UNC13B: variants seen among roughly 807,000 people sequenced by gnomAD.
UNC13B encodes the protein protein unc-13 homolog B.
In UNC13B, 144 loss-of-function variants were observed where a neutral mutation model predicts 211.0. The observed-to-expected ratio is 0.68, with a 90% CI of 0.60 to 0.78. The LOEUF is 0.78. UNC13B is among the 30% of genes least tolerant of loss of function. The probability of loss-of-function intolerance (pLI) is 0.00; values close to 1 mark genes in which losing one functional copy is unlikely to be tolerated. For missense variants in UNC13B, 1,777 were observed against 2,002.0 expected, an observed-to-expected ratio of 0.89 and a Z score of 2.14; for synonymous variants, 709 against 725.8, an observed-to-expected ratio of 0.98 and a Z score of 0.37.
intron 7 of UNC13B, among the ~76,000 whole-genome samples, chr9:35,268,072 C>T (rs559775831): frequency 6.6e-6 from 1 of 152,284 alleles, no homozygotes; most frequent in South Asian, 2.1e-4. Context: ...CAGCAAGTCT[C>T]CTGTCCAAGC....
At chr9:35,354,822 A>G (rs1437693784) in intron 11 of UNC13B, among the ~76,000 whole-genome samples, 1 of 152,184 alleles carries the variant, frequency 6.6e-6, no homozygotes, top group Non-Finnish European at 1.5e-5. Flanking sequence ...CATAATCTCT[A>G]AGGAAGGTAA....
chr9:35,389,159 T>G (rs1835368560), intron 24 of UNC13B, among the ~76,000 whole-genome samples: 1 of 152,162 alleles, frequency 6.6e-6, no homozygotes, highest in African/African-American at 2.4e-5. Flanking sequence ...CTGTGGTGAC[T>G]CCTACTTCAC....
chr9:35,257,376 A>G (rs1564097850), intron 6 of UNC13B, among the ~76,000 whole-genome samples: 4 of 135,198 alleles, frequency 3.0e-5, no homozygotes, highest in Non-Finnish European at 6.3e-5. Flanking sequence ...TTTATAAAAT[A>G]TTTATATAAA....
Position 35,386,171 on chromosome 9 carries a change from G to C in UNC13B, c.10972G>C (p.Glu3658Gln). The change falls in exon 24 of 40, where the codon GAA (glutamate) becomes CAA (glutamine). Residue 3658 changes from glutamate to glutamine, a missense_variant. Glu to Gln is a conservative substitution (Grantham distance 29). Coordinates refer to ENST00000635942, the MANE Select transcript of UNC13B (RefSeq NM_001371189.2). Reference protein sequence around the residue: ...SITFFRMKVQELQSPPRASQV... With the variant: ...SITFFRMKVQQLQSPPRASQV... ...TTCTTCTTTTAATTGGCAGGTACAA[G>C]AACTGCAAAGCCCTCCAAGAGCCAG... The C allele has an allele frequency of 1.2e-6, 2 of 1,614,118 alleles. No homozygotes were observed. The highest frequency in any genetic ancestry group is 1.7e-6 in the Non-Finnish European group (2 of 1,179,980).
intron 1 of UNC13B, among the ~76,000 whole-genome samples, chr9:35,167,386 C>T (rs1460322274): frequency 1.3e-5 from 2 of 152,092 alleles, no homozygotes; most frequent in African/African-American, 4.8e-5. Flanking sequence ...GTATTTTATG[C>T]ATGGCCCGAG....
At position 35,306,526 on chromosome 9, in the gene UNC13B, C is replaced by T; in HGVS notation, c.7122C>T (p.Asn2374=). ...HKAFPSDSLS[N]SFSHAKQLIE... is the part of the protein sequence containing the mutation. ...CCTTCCCCAGTGACTCACTGTCCAA[C>T]TCTTTTTCACATGCTAAACAGTTAA... The change falls in exon 9 of 40, where the codon AAC becomes AAT. Residue 2374 remains asparagine (N), a synonymous_variant. Transcript: ENST00000635942. 1 of 399,046 alleles carries T rather than the reference C, an allele frequency of 2.5e-6. No individual in the cohort carries two copies. Among genetic ancestry groups the T allele is most frequent in the Non-Finnish European group, 4.4e-6 (1 of 226,060 alleles). 24.7% of individuals were successfully genotyped at this position (399,046 alleles called of 1,614,324 possible).
chr9:35,191,182 A>T, intron 1 of UNC13B, among the ~76,000 whole-genome samples: 1 of 151,990 alleles, frequency 6.6e-6, no homozygotes. Flanking sequence ...CTGGTCTCAA[A>T]CTCCTGACCT....
intron 2 of UNC13B, among the ~76,000 whole-genome samples, chr9:35,230,524 C>A (rs1428395754): frequency 6.6e-6 from 1 of 150,710 alleles, no homozygotes; most frequent in Non-Finnish European, 1.5e-5. Context: ...TGCTTTAGGC[C>A]AAACTGAGTA....
Position 35,302,971 on chromosome 9 carries a change from G to C in UNC13B, c.3567G>C (p.Leu1189=). 2.5e-6 allele frequency: 1 copy of C among 398,658 alleles called. No homozygotes were observed. Among genetic ancestry groups the C allele is most frequent in the Non-Finnish European group, 4.4e-6 (1 of 225,772 alleles). The allele number at this position is 398,658 out of a possible 1,614,324, so 24.7% of individuals were successfully genotyped here. Residue 1189 remains leucine, a synonymous_variant, in exon 9 of 40, where the codon CTG becomes CTC. Coordinates refer to ENST00000635942, the MANE Select transcript of UNC13B (RefSeq NM_001371189.2). ...TPGLISGIFN[L]LSNSGMIDHK... Reference sequence around the variant, plus strand: ...GTTTAATCTCTGGAATATTTAACCTGCTATCAAATAGCGGTATGATTGATC... The same window carrying C: ...GTTTAATCTCTGGAATATTTAACCTCCTATCAAATAGCGGTATGATTGATC...
chr9:35,297,158 G>A (rs1472035549), intron 8 of UNC13B, among the ~76,000 whole-genome samples: 1 of 144,324 alleles, frequency 6.9e-6, no homozygotes, highest in East Asian at 2.0e-4. Flanking sequence ...GCGTGATCTC[G>A]GCTCACTACA....
chr9:35,386,380 C>G, intron 24 of UNC13B, 87 bp downstream of exon 24: 1 of 1,559,088 alleles, frequency 6.4e-7, no homozygotes, highest in Admixed American at 1.7e-5. Flanking sequence ...GAAAAGCACT[C>G]AGGACAAAGT....
At chr9:35,208,254 T>C (rs1200973691) in intron 1 of UNC13B, among the ~76,000 whole-genome samples, 2 of 152,192 alleles carry the variant, frequency 1.3e-5, no homozygotes, top group African/African-American at 4.8e-5. Context: ...TCAGATTTGC[T>C]TTCCCTTTTA....
At position 35,381,096 on chromosome 9, in the gene UNC13B, C is replaced by G. The variant is rs1834800610; in HGVS notation, c.10376-4C>G. 6.2e-7 allele frequency: 1 copy of G among 1,612,884 alleles called. No individual in the cohort carries two copies. The highest frequency in any genetic ancestry group is 8.5e-7 in the Non-Finnish European group (1 of 1,179,242). ...GTCAATCTCCAGTCTTCTTTCCTTC[C>G]TAGAGAAGAGGACAGACAAATCAGC... is the stretch of plus-strand genomic sequence containing the variant. On this transcript the variant is annotated splice_polypyrimidine_tract_variant and splice_region_variant and intron_variant, in intron 18 of 39. Transcript: ENST00000635942.
In UNC13B at chr9:35,295,926, A is replaced by G. The variant is rs1428978624; in HGVS notation, c.757A>G (p.Ile253Val). The part of the protein sequence containing the change: ...YDLDYPERRA[I>V]RYAQKYDTLD... ...CCTTGATTATCCAGAGCGGCGGGCT[A>G]TCAGGTGGGTATTGAGCACAAAGTA... The change falls in exon 8 of 40, where the codon ATC becomes GTC. Residue 253 changes from isoleucine (I) to valine (V), a missense_variant. Transcript: ENST00000635942. 1.2e-6 allele frequency: 2 copies of G among 1,604,400 alleles called. No homozygotes were observed. The highest frequency in any genetic ancestry group is 1.6e-4 in the Middle Eastern group (1 of 6,070).
chr9:35,401,511 G>A (rs779124207), intron 37 of UNC13B, among the ~76,000 whole-genome samples: 1 of 152,184 alleles, frequency 6.6e-6, no homozygotes, highest in Admixed American at 6.5e-5. Flanking sequence ...CTTTTTAGAA[G>A]CATTGAGCTT....
intron 1 of UNC13B, among the ~76,000 whole-genome samples, chr9:35,194,665 G>A (rs1370944396): frequency 6.6e-6 from 1 of 152,146 alleles, no homozygotes; most frequent in Non-Finnish European, 1.5e-5. Flanking sequence ...TAAAGTGGAG[G>A]CCAACAGCCC....
Position 35,193,465 on chromosome 9 carries a change from G to A in UNC13B, c.22+31160G>A, listed in dbSNP as rs559893307. Among the ~76,000 whole-genome samples the A allele has an allele frequency of 9.9e-5, 15 of 152,058 alleles. No individual in the cohort carries two copies. In the East Asian group the frequency reaches 2.9e-3, roughly 29 times the overall value. Reference sequence around the variant, plus strand: ...AGTTCGAGACCAGCCTGACCAACATGGTGAAACCCCGTCTCTACTAAAAAT... The same window carrying A: ...AGTTCGAGACCAGCCTGACCAACATAGTGAAACCCCGTCTCTACTAAAAAT... On this transcript the variant is annotated intron_variant, in intron 1 of 39. Coordinates refer to ENST00000635942, the MANE Select transcript of UNC13B (RefSeq NM_001371189.2).
intron 17 of UNC13B, among the ~76,000 whole-genome samples, chr9:35,378,655 G>T (rs950117983): frequency 6.6e-6 from 1 of 152,178 alleles, no homozygotes; most frequent in Admixed American, 6.5e-5. Context: ...CTTCACCAGG[G>T]CTATTAAAGG....
chr9:35,332,213 G>A (rs896875729), intron 11 of UNC13B, among the ~76,000 whole-genome samples: 6 of 152,140 alleles, frequency 3.9e-5, no homozygotes, highest in African/African-American at 1.2e-4. Context: ...GCCTCCCAAA[G>A]TGCCAGGGTT....
Sources: gnomAD v4.1 joint callset for allele counts (sites outside exome capture counted in the v4.1 genomes callset) on GRCh38, gnomAD v4.1.1 for gene constraint, MANE v1.5 for transcripts, NCBI Gene and HGNC (gene_info 2026-07-23, HGNC 2026-07-21) for gene names.